The following ARIH1 variants were observed in gnomAD, a reference collection of about 807,000 sequenced individuals.
ARIH1 encodes ariadne RBR E3 ubiquitin protein ligase 1, also known as E3 ubiquitin-protein ligase ARIH1.
Under a neutral mutation model 85.0 loss-of-function variants are expected in ARIH1, and 8 were observed. That is an observed-to-expected ratio of 0.09 (90% CI 0.06 to 0.17). The LOEUF is 0.17. Ranked by LOEUF, ARIH1 falls within the 10% of genes least tolerant of loss-of-function variation. The pLI is 1.00. For synonymous variants in ARIH1, 238 were observed against 253.6 expected, an observed-to-expected ratio of 0.94 and a Z score of 0.59; for missense variants, 311 against 718.1, an observed-to-expected ratio of 0.43 and a Z score of 6.48.
chr15:72,551,000 T>A (rs2064150690), intron 3 of ARIH1, among the ~76,000 whole-genome samples: 1 of 152,160 alleles, frequency 6.6e-6, no homozygotes, highest in South Asian at 2.1e-4. Context: ...CATGTCCTTG[T>A]CTTTGTATTT....
chr15:72,518,682 G>C (rs377446187), intron 2 of ARIH1, among the ~76,000 whole-genome samples: 22 of 152,094 alleles, frequency 1.4e-4, no homozygotes, highest in African/African-American at 5.3e-4. Context: ...CAGCTACTCA[G>C]GAGGCTGAGG....
chr15:72,475,527 C>T (rs1366196787), intron 1 of ARIH1, among the ~76,000 whole-genome samples: 1 of 152,144 alleles, frequency 6.6e-6, no homozygotes, highest in African/African-American at 2.4e-5. Flanking sequence ...TTGGCAGTCT[C>T]AAGTGCCTAC....
chr15:72,561,647 T>C, intron 6 of ARIH1, 98 bp downstream of exon 6: 2 of 763,788 alleles, frequency 2.6e-6, no homozygotes, highest in Non-Finnish European at 4.1e-6. Context: ...AAAACATCTT[T>C]AACATATTTA....
Position 72,599,172 on chromosome 15 carries a change from G to A in ARIH1, c.*15880G>A, listed in dbSNP as rs1183154585. 7.9e-5 allele frequency: 12 copies of A among 151,890 alleles called. No individual in the cohort carries two copies. The highest frequency in any genetic ancestry group is 4.2e-4 in the South Asian group (2 of 4,818). 9.4% of individuals were successfully genotyped at this position (151,890 alleles called of 1,614,324 possible). A position where few individuals can be genotyped will look rare whatever the true frequency, so the allele number is the denominator to read the frequency against. ...TGAGTAGCTGGGATTACAGGCGCCC[G>A]CCACCACACCCAGCTAATTTTTGTA... On this transcript the variant is annotated 3_prime_UTR_variant, in exon 14 of 14. Coordinates refer to ENST00000379887, the MANE Select transcript of ARIH1 (RefSeq NM_005744.5).
At chr15:72,476,778 C>G (rs1445614916) in intron 1 of ARIH1, among the ~76,000 whole-genome samples, 1 of 152,108 alleles carries the variant, frequency 6.6e-6, no homozygotes, top group Non-Finnish European at 1.5e-5. Flanking sequence ...TTTTCTAGAC[C>G]TTTGGATAGC....
intron 5 of ARIH1, among the ~76,000 whole-genome samples, chr15:72,560,177 C>G (rs1187007318): frequency 6.6e-6 from 1 of 152,066 alleles, no homozygotes; most frequent in Admixed American, 6.5e-5. Flanking sequence ...CCTGGGGATC[C>G]TTTCATGGGG....
intron 2 of ARIH1, among the ~76,000 whole-genome samples, chr15:72,530,922 AAG>A (rs973804802): frequency 2.6e-5 from 4 of 152,196 alleles, no homozygotes; most frequent in African/African-American, 7.2e-5. Context: ...GAGTTTTAGA[AAG>A]AGAGGAGAGA....
At position 72,584,734 on chromosome 15, in the gene ARIH1, G is replaced by A. The variant is rs1440002920; in HGVS notation, c.*1442G>A. 6.6e-6 allele frequency: 1 copy of A among 151,924 alleles called. No homozygotes were observed. The highest frequency in any genetic ancestry group is 1.5e-5 in the Non-Finnish European group (1 of 68,014). The allele number at this position is 151,924 out of a possible 1,614,324, so 9.4% of individuals were successfully genotyped here. A position where few individuals can be genotyped will look rare whatever the true frequency, so the allele number is the denominator to read the frequency against. ...GGAGAATTAATAATGCATTTTAGCTGTGATGTCCATTTTTATGAAATTCCT... is the reference window on the plus strand; with the variant it reads ...GGAGAATTAATAATGCATTTTAGCTATGATGTCCATTTTTATGAAATTCCT... On this transcript the variant is annotated 3_prime_UTR_variant, in exon 14 of 14. Transcript: ENST00000379887.
At chr15:72,478,281 A>C (rs2063802348) in intron 1 of ARIH1, among the ~76,000 whole-genome samples, 1 of 151,716 alleles carries the variant, frequency 6.6e-6, no homozygotes, top group South Asian at 2.1e-4. Flanking sequence ...ACACCCAGCT[A>C]CTTTTTGTAT....
At chr15:72,534,788 A>T (rs2064073686) in intron 2 of ARIH1, among the ~76,000 whole-genome samples, 1 of 151,908 alleles carries the variant, frequency 6.6e-6, no homozygotes, top group African/African-American at 2.4e-5. Flanking sequence ...TTATAACTGT[A>T]TATTCCTTGG....
chr15:72,578,120 C>T (rs898240484), intron 11 of ARIH1, among the ~76,000 whole-genome samples: 9 of 152,312 alleles, frequency 5.9e-5, no homozygotes, highest in Admixed American at 1.3e-4. Flanking sequence ...TTTAATTCCT[C>T]TGGTGTGGTG....
At chr15:72,567,234 G>C (rs1421361152) in intron 9 of ARIH1, 57 bp downstream of exon 9, 4 of 1,421,284 alleles carry the variant, frequency 2.8e-6, no homozygotes, top group African/African-American at 1.5e-5. Flanking sequence ...TTGGTACTTT[G>C]GCATTAGCAA....
intron 2 of ARIH1, among the ~76,000 whole-genome samples, chr15:72,531,173 A>G (rs561450265): frequency 5.3e-5 from 8 of 152,370 alleles, no homozygotes; most frequent in African/African-American, 1.9e-4. Flanking sequence ...AAAATTTTCC[A>G]TGTCAACTTC....
chr15:72,578,487 T>C lies in ARIH1; in HGVS notation c.1216-2244T>C, dbSNP rs78303395. ...TGTAAGAGTTTGTGTGCATAAGTTT[T>C]GATAAATCTCAACTTTTTATTAATA... On this transcript the variant is annotated intron_variant, in intron 11 of 13. Transcript: ENST00000379887. Among the ~76,000 whole-genome samples, 604 of 152,340 alleles carry C rather than the reference T, an allele frequency of 4.0e-3. 5 individuals carry two copies. The highest frequency in any genetic ancestry group is 0.014 in the African/African-American group (584 of 41,564).
intron 3 of ARIH1, among the ~76,000 whole-genome samples, chr15:72,546,789 A>G (rs547885044): frequency 3.3e-5 from 5 of 151,744 alleles, no homozygotes; most frequent in Admixed American, 6.6e-5. Flanking sequence ...GGGTTTCACC[A>G]TGTTGCCCAG....
At chr15:72,580,526 C>A in intron 11 of ARIH1, 1 of 556,170 alleles carries the variant, frequency 1.8e-6, no homozygotes, top group Non-Finnish European at 3.1e-6. Context: ...TCCATAATGG[C>A]TATACTAATT....
chr15:72,545,347 T>C (rs1318224391), intron 3 of ARIH1, among the ~76,000 whole-genome samples: 1 of 152,232 alleles, frequency 6.6e-6, no homozygotes, highest in Non-Finnish European at 1.5e-5. Context: ...AAAATACCGT[T>C]AATACTATTT....
chr15:72,553,511 G>T (rs961486596), intron 3 of ARIH1, among the ~76,000 whole-genome samples: 2 of 151,938 alleles, frequency 1.3e-5, no homozygotes, highest in Non-Finnish European at 2.9e-5. Flanking sequence ...AACCCCCCAG[G>T]AGATAACTTT....
intron 3 of ARIH1, among the ~76,000 whole-genome samples, chr15:72,554,962 C>A (rs555612490): frequency 6.6e-6 from 1 of 151,994 alleles, no homozygotes; most frequent in African/African-American, 2.4e-5. Flanking sequence ...CATGTTGCCC[C>A]GCCTTCATGG....
Sources: allele counts gnomAD v4.1 joint callset (sites outside exome capture counted in the v4.1 genomes callset), GRCh38; gene constraint gnomAD v4.1.1; transcripts MANE v1.5; gene names NCBI Gene and HGNC (gene_info 2026-07-23, HGNC 2026-07-21).